Variants in DMD observed in about 807,000 individuals in gnomAD.
DMD encodes the protein mutant dystrophin.
DMD carries 63 observed loss-of-function variants against 330.1 expected under a neutral mutation model. That is an observed-to-expected ratio of 0.19 (90% CI 0.16 to 0.24). DMD has a LOEUF of 0.24. DMD is among the 10% of genes least tolerant of loss of function. The pLI is 1.00. For missense variants in DMD, 3,344 were observed against 2,684.1 expected, an observed-to-expected ratio of 1.25 and a Z score of -5.43; for synonymous variants, 1,223 against 959.8, an observed-to-expected ratio of 1.27 and a Z score of -5.07.
chrX:32,697,538 T>C (rs2063747459), intron 9 of DMD, among the ~76,000 whole-genome samples: 1 of 112,069 alleles, frequency 8.9e-6, no homozygotes, highest in South Asian at 3.7e-4. Context: ...ACCTACACTT[T>C]TCGAAGTTAC....
intron 60 of DMD, among the ~76,000 whole-genome samples, chrX:31,407,845 G>C (rs1184585057): frequency 1.8e-5 from 2 of 110,879 alleles, no homozygotes; most frequent in African/African-American, 3.3e-5. Flanking sequence ...ATTTTATTTA[G>C]CTGAAGGATG....
chrX:32,697,953 T>C lies in DMD; in HGVS notation c.877A>G (p.Lys293Glu), dbSNP rs960307751. The C allele has an allele frequency of 1.0e-5, 12 of 1,201,764 alleles. No individual in the cohort carries two copies. In the Admixed American group the frequency reaches 1.3e-4, roughly 13 times the overall value. Residue 293 changes from lysine (K) to glutamate (E), a missense_variant, in exon 9 of 79, where the codon AAG (lysine) becomes GAG (glutamate). Physicochemically the swap from Lys to Glu is moderately conservative, Grantham distance 56. Transcript: ENST00000357033. ...TAGGCATAGCTCTTGAATCGAGGCT[T>C]AGGGGAAGAAGTTCTCTCATATCCC... ...AQGYERTSSPKPRFKSYAYTQ... is the reference protein window; with the variant it reads ...AQGYERTSSPEPRFKSYAYTQ...
intron 21 of DMD, among the ~76,000 whole-genome samples, chrX:32,484,469 T>C (rs2042225761): frequency 8.9e-6 from 1 of 112,280 alleles, no homozygotes; most frequent in Admixed American, 9.5e-5. Context: ...AAAGAATAAT[T>C]TGTCCTTTGC....
At chrX:31,988,301 T>C (rs2095523661) in intron 44 of DMD, among the ~76,000 whole-genome samples, 1 of 106,946 alleles carries the variant, frequency 9.4e-6, no homozygotes, top group Non-Finnish European at 1.9e-5. Flanking sequence ...TGAAACTCCG[T>C]CTCTACTAAA....
chrX:31,523,991 T>C (rs1164473538), intron 55 of DMD, among the ~76,000 whole-genome samples: 1 of 112,034 alleles, frequency 8.9e-6, no homozygotes, highest in African/African-American at 3.2e-5. Context: ...TGTTCTTTAT[T>C]GCATGAATAG....
At chrX:31,361,961 G>C (rs988377952) in intron 60 of DMD, among the ~76,000 whole-genome samples, 2 of 111,003 alleles carry the variant, frequency 1.8e-5, no homozygotes, top group African/African-American at 6.5e-5. Context: ...AGAAGAGATG[G>C]GGTTTCACCC....
chrX:31,228,275 T>TAAAAAAAAAAAAAAAAAAAAAA (rs779738772), intron 63 of DMD, among the ~76,000 whole-genome samples: 6 of 83,989 alleles, frequency 7.1e-5, no homozygotes, highest in Non-Finnish European at 1.2e-4. Flanking sequence ...AATAAAAAAA[T>TAAAAAAAAAAAAAAAAAAAAAA]AAAAAAAAAA....
At chrX:32,971,819 A>T (rs2092393360) in intron 2 of DMD, among the ~76,000 whole-genome samples, 2 of 111,051 alleles carry the variant, frequency 1.8e-5, no homozygotes, top group South Asian at 7.6e-4. Context: ...AGAATTCTTG[A>T]ATTTGACTGA....
intron 1 of DMD, among the ~76,000 whole-genome samples, chrX:33,123,422 T>G (rs2095437088): frequency 9.3e-6 from 1 of 107,721 alleles, no homozygotes; most frequent in Non-Finnish European, 1.9e-5. Flanking sequence ...TCTACTTTCT[T>G]TTGTTTTTTT....
chrX:31,540,039 T>C (rs985884042), intron 55 of DMD, among the ~76,000 whole-genome samples: 2 of 112,345 alleles, frequency 1.8e-5, no homozygotes, highest in Non-Finnish European at 3.8e-5. Context: ...CAATTTGTGA[T>C]AACTTTCTGC....
At chrX:31,705,198 A>G (rs1277912061) in intron 52 of DMD, among the ~76,000 whole-genome samples, 1 of 112,569 alleles carries the variant, frequency 8.9e-6, no homozygotes, top group Non-Finnish European at 1.9e-5. Context: ...AAGATGCAGA[A>G]AAACAGAGTA....
At chrX:32,772,391 A>T (rs73460975) in intron 7 of DMD, among the ~76,000 whole-genome samples, 5,296 of 112,548 alleles carry the variant, frequency 0.047, 322 homozygotes, top group African/African-American at 0.16. Context: ...GAATTAAAAT[A>T]AACATCATTT....
chrX:32,850,072 T>TA (rs765742480), intron 2 of DMD, among the ~76,000 whole-genome samples: 2 of 112,063 alleles, frequency 1.8e-5, no homozygotes, highest in East Asian at 5.6e-4. Context: ...ATGATCTAAT[T>TA]AATTCACTGA....
intron 30 of DMD, 31 bp downstream of exon 30, chrX:32,411,721 A>G (rs1177051284): frequency 8.3e-7 from 1 of 1,207,159 alleles, no homozygotes; most frequent in Admixed American, 2.2e-5. Flanking sequence ...TAAAAACAAA[A>G]GAATGGAAGC....
intron 1 of DMD, among the ~76,000 whole-genome samples, chrX:33,233,663 G>A (rs1486095356): frequency 3.6e-5 from 4 of 111,846 alleles, no homozygotes; most frequent in Non-Finnish European, 7.5e-5. Context: ...GTGACAAGAG[G>A]AAGCTTGATG....
At chrX:32,850,623 ATCTG>A (rs1185597673) in intron 2 of DMD, among the ~76,000 whole-genome samples, 33 of 111,440 alleles carry the variant, frequency 3.0e-4, no homozygotes, top group African/African-American at 8.8e-4. Flanking sequence ...TATGGCTCAG[ATCTG>A]TCTAATTCTG....
In DMD at chrX:32,591,061, T is replaced by C. The variant is rs1489291017; in HGVS notation, c.1602+4696A>G. Among the ~76,000 whole-genome samples the C allele has an allele frequency of 7.2e-5, 8 of 111,531 alleles. No homozygotes were observed. The Admixed American group carries it at 7.6e-4, about 11-fold the overall frequency. On this transcript the variant is annotated intron_variant, in intron 13 of 78. Transcript: ENST00000357033. ...AATACGATATGATAGTCTTGCTATGTTGCCCAGGCTAATCTTTGAACTTCT... is the reference window on the plus strand; with the variant it reads ...AATACGATATGATAGTCTTGCTATGCTGCCCAGGCTAATCTTTGAACTTCT...
At position 31,842,833 on chromosome X, in the gene DMD, C is replaced by T. The variant is rs768200942; in HGVS notation, c.7099-6014G>A. ...TGGATCCTGTCACTGAGATAGTGCG[C>T]ACCGTATCTAATAGTTAGTTTTTCA... On this transcript the variant is annotated intron_variant, in intron 48 of 78. Transcript: ENST00000357033. 3.6e-5 allele frequency among the ~76,000 whole-genome samples: 4 copies of T among 111,434 alleles called. No individual in the cohort carries two copies. The South Asian group carries it at 1.5e-3, about 42-fold the overall frequency.
intron 1 of DMD, among the ~76,000 whole-genome samples, chrX:33,233,662 G>C (rs2052427363): frequency 8.9e-6 from 1 of 111,821 alleles, no homozygotes; most frequent in Admixed American, 9.5e-5. Flanking sequence ...GGTGACAAGA[G>C]GAAGCTTGAT....
Sources: allele counts gnomAD v4.1 joint callset (sites outside exome capture counted in the v4.1 genomes callset), GRCh38; gene constraint gnomAD v4.1.1; transcripts MANE v1.5; gene names NCBI Gene and HGNC (gene_info 2026-07-23, HGNC 2026-07-21).